Variants in ARID1A observed in about 807,000 individuals in gnomAD.
ARID1A encodes the protein AT-rich interactive domain-containing protein 1A.
Under a neutral mutation model 212.6 loss-of-function variants are expected in ARID1A, and 20 were observed. That is an observed-to-expected ratio of 0.09 (90% CI 0.07 to 0.14). The LOEUF (loss-of-function observed/expected upper bound fraction) is 0.14, where lower values mean the gene tolerates loss of function less well. ARID1A is among the 10% of genes least tolerant of loss of function. ARID1A has a pLI of 1.00. For missense variants in ARID1A, 2,587 were observed against 3,059.0 expected (o/e 0.85, Z 3.64); for synonymous variants, 1,376 against 1,222.1 (o/e 1.13, Z -2.63).
At chr1:26,703,136 A>C (rs992024880) in intron 1 of ARID1A, among the ~76,000 whole-genome samples, 1 of 152,172 alleles carries the variant, frequency 6.6e-6, no homozygotes, top group Non-Finnish European at 1.5e-5. Flanking sequence ...ATCACTTATG[A>C]TAAAATTAAT....
intron 6 of ARID1A, 49 bp downstream of exon 6, chr1:26,761,522 G>C (rs888960347): frequency 1.9e-6 from 3 of 1,578,476 alleles, no homozygotes; most frequent in Non-Finnish European, 2.6e-6. Flanking sequence ...GCAGACATTT[G>C]AGTGCCCTAT....
chr1:26,770,874 A>G, intron 11 of ARID1A: 1 of 502,616 alleles, frequency 2.0e-6, no homozygotes, highest in Non-Finnish European at 3.5e-6. Context: ...AGTAATGTGA[A>G]ATTTGCCCTG....
At chr1:26,699,839 T>C (rs2080315652) in intron 1 of ARID1A, among the ~76,000 whole-genome samples, 1 of 152,194 alleles carries the variant, frequency 6.6e-6, no homozygotes, top group African/African-American at 2.4e-5. Context: ...AAATATTTAG[T>C]CAAAGGTTTT....
In ARID1A at chr1:26,731,594, C is replaced by T. The variant is rs2124790543; in HGVS notation, c.1793C>T (p.Pro598Leu). The T allele has an allele frequency of 6.2e-7, 1 of 1,613,700 alleles. No homozygotes were observed. Among genetic ancestry groups the T allele is most frequent in the Admixed American group, 1.7e-5 (1 of 60,004 alleles). The change falls in exon 3 of 20, where the codon CCT becomes CTT. Residue 598 changes from proline (P) to leucine (L), a missense_variant. Physicochemically the swap from Pro to Leu is moderately conservative, Grantham distance 98 (BLOSUM62 -3). This residue lies in a region of ARID1A where 674 missense variants were observed against 813.4 expected (regional missense o/e 0.83). Transcript: ENST00000324856. ...QQTAYSQQRF[P>L]PPQELSQDSF... is the part of the protein sequence containing the mutation. ...ACTGCCTATTCCCAGCAGCGCTTCCCTCCACCGCAGGTAAGATATCCCTGC... is the reference window on the plus strand; with the variant it reads ...ACTGCCTATTCCCAGCAGCGCTTCCTTCCACCGCAGGTAAGATATCCCTGC...
intron 1 of ARID1A, among the ~76,000 whole-genome samples, chr1:26,717,810 G>GAA (rs1236698452): frequency 6.6e-6 from 1 of 152,148 alleles, no homozygotes; most frequent in African/African-American, 2.4e-5. Context: ...GTTCACCAGG[G>GAA]AAGGCCACAC....
chr1:26,715,840 T>TAA (rs1305262348), intron 1 of ARID1A, among the ~76,000 whole-genome samples: 29 of 146,622 alleles, frequency 2.0e-4, no homozygotes, highest in East Asian at 2.0e-4. Context: ...AGACCCGTCT[T>TAA]AAAAAAAAAA....
At position 26,731,163 on chromosome 1, in the gene ARID1A, T is replaced by C. The variant is rs760085692; in HGVS notation, c.1362T>C (p.Tyr454=). ...TTCCTTTCCTACAGATTCCTCCTTA[T>C]GGACAACAAGGCCCCAGCGGGTATG... The part of the protein sequence containing the change: ...GLSYTQQIPP[Y]GQQGPSGYGQ... Residue 454 remains tyrosine (Y), a synonymous_variant, in exon 3 of 20, where the codon TAT becomes TAC. Coordinates refer to ENST00000324856, the MANE Select transcript of ARID1A (RefSeq NM_006015.6). 9.3e-6 allele frequency: 15 copies of C among 1,613,738 alleles called. No homozygotes were observed. The highest frequency in any genetic ancestry group is 2.7e-5 in the African/African-American group (2 of 74,874).
chr1:26,721,367 A>G (rs1241949141), intron 1 of ARID1A, among the ~76,000 whole-genome samples: 1 of 152,050 alleles, frequency 6.6e-6, no homozygotes, highest in Non-Finnish European at 1.5e-5. Flanking sequence ...GCGTGCCATC[A>G]CACCCGGCTA....
rs368014828 is a variant in ARID1A, at chr1:26,780,198, G to A, written c.6300G>A (p.Gln2100=). ...HWAVCPSAEA[Q]DPFSTLGPNA... ...CAGTTTGCCCTTCAGCTGAAGCCCA[G>A]GACCCCTTTTCCACCCTGGGCCCCA... is the stretch of plus-strand genomic sequence containing the variant. Residue 2100 remains glutamine (Q), a synonymous_variant, in exon 20 of 20, where the codon CAG becomes CAA. Coordinates refer to ENST00000324856, the MANE Select transcript of ARID1A (RefSeq NM_006015.6). The surrounding 1 kb of genome is among the most constrained non-coding windows in gnomAD (Gnocchi z 7.2). 3 of 1,614,028 alleles carry A rather than the reference G, an allele frequency of 1.9e-6. No homozygotes were observed. Among genetic ancestry groups the A allele is most frequent in the African/African-American group, 2.7e-5 (2 of 74,902 alleles).
chr1:26,764,288 G>A (rs2081019748), intron 8 of ARID1A: 1 of 148,998 alleles, frequency 6.7e-6, no homozygotes, highest in African/African-American at 2.5e-5. Flanking sequence ...TTTAAATAGA[G>A]ATGGGGTCTC....
At chr1:26,709,400 G>A (rs2080427620) in intron 1 of ARID1A, among the ~76,000 whole-genome samples, 1 of 151,948 alleles carries the variant, frequency 6.6e-6, no homozygotes, top group Non-Finnish European at 1.5e-5. Flanking sequence ...CAGCACCCCT[G>A]GAATGCTACC....
chr1:26,771,388 CAGG>C lies in ARID1A; in HGVS notation c.3406+64_3406+66del, dbSNP rs2124099266. 9 of 1,525,368 alleles carry C rather than the reference CAGG, an allele frequency of 5.9e-6. No homozygotes were observed. The highest frequency in any genetic ancestry group is 6.3e-6 in the Non-Finnish European group (7 of 1,105,652). The allele number at this position is 1,525,368 out of a possible 1,614,324, so 94.5% of individuals were successfully genotyped here. ...GGGCCTGTTGCCCTGGCCTCTTATT[CAGG>C]ATATGAATAAGAGGCTTATCCAACA... On this transcript the variant is annotated intron_variant, in intron 12 of 19. Coordinates refer to ENST00000324856, the MANE Select transcript of ARID1A (RefSeq NM_006015.6). The surrounding 1 kb of genome is among the most constrained non-coding windows in gnomAD (Gnocchi z 5.4).
intron 19 of ARID1A, 87 bp from the exon 20 acceptor site, chr1:26,778,936 A>G: frequency 7.6e-7 from 1 of 1,320,144 alleles, no homozygotes; most frequent in Non-Finnish European, 1.0e-6. Flanking sequence ...ACTGATACAG[A>G]AGACTTGGGG....
At chr1:26,723,866 G>A (rs953573101) in intron 1 of ARID1A, among the ~76,000 whole-genome samples, 6 of 151,946 alleles carry the variant, frequency 3.9e-5, no homozygotes, top group Admixed American at 2.6e-4. Context: ...TCATTCATTC[G>A]GTGCCAAGAT....
chr1:26,726,184 T>G (rs1308347064), intron 1 of ARID1A, among the ~76,000 whole-genome samples: 17 of 148,474 alleles, frequency 1.1e-4, no homozygotes, highest in Admixed American at 4.0e-4. Context: ...GTTTTTTTTT[T>G]TTTTTTGAGA....
intron 1 of ARID1A, among the ~76,000 whole-genome samples, chr1:26,715,288 G>A (rs895258570): frequency 2.0e-5 from 3 of 152,204 alleles, no homozygotes; most frequent in Non-Finnish European, 4.4e-5. Flanking sequence ...TAGAACAAAA[G>A]TTGGAATGTG....
rs540766582 is a variant in ARID1A, at chr1:26,771,790, C to T, written c.3406+464C>T. 69 of 180,594 alleles carry T rather than the reference C, an allele frequency of 3.8e-4. No individual in the cohort carries two copies. Among genetic ancestry groups the T allele is most frequent in the African/African-American group, 1.6e-3 (68 of 41,996 alleles). 11.2% of individuals were successfully genotyped at this position (180,594 alleles called of 1,614,324 possible). ...GAACTCCCTGATGGGAGTGGCTCTG[C>T]TCACCCTCCTTTCTGAGAGGAGGCT... is the stretch of plus-strand genomic sequence containing the variant. On this transcript the variant is annotated intron_variant, in intron 12 of 19. Coordinates refer to ENST00000324856, the MANE Select transcript of ARID1A (RefSeq NM_006015.6). This position sits in a 1 kb window ranked among gnomAD's most constrained non-coding sequence, Gnocchi z 5.4.
intron 4 of ARID1A, among the ~76,000 whole-genome samples, chr1:26,736,668 C>G (rs371915258): frequency 1.3e-5 from 2 of 150,082 alleles, no homozygotes; most frequent in African/African-American, 4.9e-5. Flanking sequence ...CTCAGGAGGC[C>G]GAGGCGGGCA....
rs2124149270 is a variant in ARID1A at position 26,780,354 on chromosome 1, G to A, written c.6456G>A (p.Val2152=). 6.2e-7 allele frequency: 1 copy of A among 1,614,240 alleles called. No individual in the cohort carries two copies. The highest frequency in any genetic ancestry group is 8.5e-7 in the Non-Finnish European group (1 of 1,180,044). ...SRLEKLYSTM[V]RFLSDRKNPV... ...TGGAGAAGTTGTATAGCACTATGGT[G>A]CGCTTCCTCAGTGACCGAAAGAACC... The change falls in exon 20 of 20, where the codon GTG becomes GTA. Residue 2152 remains valine (V), a synonymous_variant. Coordinates refer to ENST00000324856, the MANE Select transcript of ARID1A (RefSeq NM_006015.6). The surrounding 1 kb of genome is among the most constrained non-coding windows in gnomAD (Gnocchi z 7.2).
Sources: allele counts gnomAD v4.1 joint callset (sites outside exome capture counted in the v4.1 genomes callset), GRCh38; gene constraint gnomAD v4.1.1; regional missense constraint gnomAD v4.1.1; non-coding constraint Gnocchi (gnomAD v3.1); transcripts MANE v1.5; gene names NCBI Gene and HGNC (gene_info 2026-07-23, HGNC 2026-07-21).